Variants in CPAP observed in about 807,000 individuals in gnomAD.
CPAP encodes the protein centrosome assembly and centriole elongation protein.
the CPAP span, among the ~76,000 whole-genome samples, chr13:24,919,150 A>G: frequency 6.6e-6 from 1 of 152,232 alleles, no homozygotes; most frequent in South Asian, 2.1e-4. Context: ...ATTTAAAAAG[A>G]TATTTTAATT....
chr13:24,900,253 G>A, the CPAP span, among the ~76,000 whole-genome samples: 8 of 152,194 alleles, frequency 5.3e-5, no homozygotes, highest in Non-Finnish European at 1.2e-4. Context: ...AGGCAAGAAT[G>A]TGCCTGAGGT....
chr13:24,904,168 T>A, the CPAP span: 1 of 1,216,204 alleles, frequency 8.2e-7, no homozygotes, highest in Non-Finnish European at 1.2e-6. Flanking sequence ...TCTGTGCTAT[T>A]AAAATGCATT....
At chr13:24,901,035 TAGG>T in the CPAP span, among the ~76,000 whole-genome samples, 3 of 152,104 alleles carry the variant, frequency 2.0e-5, no homozygotes, top group African/African-American at 7.2e-5. Flanking sequence ...GGCAGTGGGA[TAGG>T]AGATGTGGGC....
the CPAP span, chr13:24,909,989 G>T: frequency 3.7e-6 from 6 of 1,614,146 alleles, no homozygotes; most frequent in Non-Finnish European, 5.1e-6. Flanking sequence ...GGTCCGGGTA[G>T]ACATATGATG....
the CPAP span, among the ~76,000 whole-genome samples, chr13:24,900,978 T>C: frequency 6.6e-6 from 1 of 152,146 alleles, no homozygotes; most frequent in Non-Finnish European, 1.5e-5. Flanking sequence ...TTTTTCTAAA[T>C]GATCAATTTA....
chr13:24,926,390 A>G, the CPAP span, among the ~76,000 whole-genome samples: 1 of 152,180 alleles, frequency 6.6e-6, no homozygotes, highest in East Asian at 1.9e-4. Flanking sequence ...TCAATAACCC[A>G]TGGTTCCCAG....
At chr13:24,901,955 T>C in the CPAP span, among the ~76,000 whole-genome samples, 1 of 152,128 alleles carries the variant, frequency 6.6e-6, no homozygotes, top group Admixed American at 6.5e-5. Context: ...TGTACCATTG[T>C]ACTCCAGTCT....
the CPAP span, among the ~76,000 whole-genome samples, chr13:24,883,561 T>A: frequency 2.6e-5 from 4 of 152,212 alleles, no homozygotes; most frequent in Admixed American, 2.6e-4. Context: ...CAGATTAGCA[T>A]TGTTTTAATC....
At chr13:24,890,002 A>G in the CPAP span, among the ~76,000 whole-genome samples, 1 of 152,164 alleles carries the variant, frequency 6.6e-6, no homozygotes, top group Non-Finnish European at 1.5e-5. Flanking sequence ...GTCATTATCA[A>G]TACTATCAAC....
At chr13:24,906,426 C>A in the CPAP span, 1 of 1,613,706 alleles carries the variant, frequency 6.2e-7, no homozygotes, top group Non-Finnish European at 8.5e-7. Flanking sequence ...GGGCTCTTAG[C>A]AGCCAGCCGG....
chr13:24,892,577 G>T, the CPAP span: 3 of 1,247,614 alleles, frequency 2.4e-6, no homozygotes, highest in Admixed American at 1.7e-5. Context: ...CTGACTCTAT[G>T]AATTTGAATG....
At chr13:24,930,351 C>A in the CPAP span, among the ~76,000 whole-genome samples, 55 of 151,996 alleles carry the variant, frequency 3.6e-4, no homozygotes, top group Non-Finnish European at 7.1e-4. Context: ...GGTACATGTG[C>A]AGGTTTGTTA....
chr13:24,883,105 G>C, the CPAP span: 1 of 1,313,420 alleles, frequency 7.6e-7, no homozygotes, highest in South Asian at 1.2e-5. Context: ...AAATTAAACA[G>C]AATCCACAGT....
At chr13:24,893,908 G>A in the CPAP span, among the ~76,000 whole-genome samples, 1 of 152,206 alleles carries the variant, frequency 6.6e-6, no homozygotes, top group Admixed American at 6.5e-5. Flanking sequence ...GCCGGGGACA[G>A]TGGGAGGGTG....
chr13:24,886,701 A>G, the CPAP span, among the ~76,000 whole-genome samples: 7 of 152,228 alleles, frequency 4.6e-5, no homozygotes, highest in Non-Finnish European at 8.8e-5. Flanking sequence ...AAACTAAACT[A>G]TAACTAAAGC....
chr13:24,911,703 ATTT>A, the CPAP span, among the ~76,000 whole-genome samples: 1 of 135,202 alleles, frequency 7.4e-6, no homozygotes, highest in African/African-American at 2.8e-5. Flanking sequence ...CACCCAGCTC[ATTT>A]TTTTTTTTTT....
chr13:24,891,479 C>T, the CPAP span, among the ~76,000 whole-genome samples: 1 of 152,162 alleles, frequency 6.6e-6, no homozygotes, highest in Non-Finnish European at 1.5e-5. Context: ...CTTGCGGTTG[C>T]TCCTAGTCAG....
chr13:24,933,975 C>T, the CPAP span, among the ~76,000 whole-genome samples: 1 of 152,214 alleles, frequency 6.6e-6, no homozygotes, highest in Non-Finnish European at 1.5e-5. Context: ...ATCCGCCTGT[C>T]TCGGCCTCCC....
At chr13:24,901,664 G>A in the CPAP span, among the ~76,000 whole-genome samples, 2 of 152,188 alleles carry the variant, frequency 1.3e-5, no homozygotes, top group East Asian at 1.9e-4. Context: ...AGACTAGGGC[G>A]TGCTAATAGG....
Sources: allele counts gnomAD v4.1 joint callset (sites outside exome capture counted in the v4.1 genomes callset), GRCh38; gene constraint gnomAD v4.1.1; transcripts MANE v1.5; gene names NCBI Gene and HGNC (gene_info 2026-07-23, HGNC 2026-07-21).